Variants in NDRG3 observed in about 807,000 individuals in gnomAD.
NDRG3 encodes protein NDRG3.
Under a neutral mutation model 57.2 loss-of-function variants are expected in NDRG3, and 23 were observed. The ratio of observed to expected loss-of-function variants is 0.40; its 90% CI spans 0.29 to 0.57. NDRG3 has a LOEUF of 0.57. Among genes scored for constraint, NDRG3 ranks in the 20% least tolerant of loss-of-function variants. NDRG3 has a pLI of 0.42. For missense variants in NDRG3, 384 were observed against 457.3 expected, an observed-to-expected ratio of 0.84 and a Z score of 1.46; for synonymous variants, 132 against 162.6, an observed-to-expected ratio of 0.81 and a Z score of 1.43.
intron 9 of NDRG3, 103 bp from the exon 10 acceptor site, chr20:36,666,495 A>G: frequency 1.2e-6 from 1 of 802,204 alleles, no homozygotes; most frequent in Non-Finnish European, 2.2e-6. Flanking sequence ...CGTGCGGCTC[A>G]TGATGGGAAC....
In NDRG3 at chr20:36,708,776, G is replaced by A. The variant is rs184994208; in HGVS notation, c.58-1769C>T. ...AAGCCGGGCGCGGTGGCTCACGCCT[G>A]TAATCCCAGCACGGCACTTTGGGAG... On this transcript the variant is annotated intron_variant, in intron 2 of 15. Coordinates refer to ENST00000349004, the MANE Select transcript of NDRG3 (RefSeq NM_032013.4). Among the ~76,000 whole-genome samples the A allele has an allele frequency of 2.6e-3, 391 of 152,244 alleles. 2 individuals are homozygous for A. The highest frequency in any genetic ancestry group is 8.9e-3 in the African/African-American group (369 of 41,544).
rs1444652182 is a variant in NDRG3 at position 36,653,846 on chromosome 20, A to G, written c.947-145T>C. On this transcript the variant is annotated intron_variant, in intron 15 of 15. Transcript: ENST00000349004. The surrounding 1 kb of genome is among the most constrained non-coding windows in gnomAD (Gnocchi z 4.2). The stretch of plus-strand genomic sequence containing the variant: ...CAAGATATAGCCATCCCCATTTTGT[A>G]TCATTTGCTCTAGGTGAGTGGCGAT... 2.0e-5 allele frequency: 14 copies of G among 710,980 alleles called. No individual in the cohort carries two copies. The highest frequency in any genetic ancestry group is 3.0e-5 in the Non-Finnish European group (13 of 435,680). 44.0% of individuals were successfully genotyped at this position (710,980 alleles called of 1,614,324 possible).
In NDRG3 at chr20:36,708,092, GA is replaced by G. The variant is rs890917054; in HGVS notation, c.58-1086del. The stretch of plus-strand genomic sequence containing the variant: ...GAGTGAGACTCCATTTCAAAAAAAG[GA>G]AAAAAAAAAAGGTAACAAGTGATGT... On this transcript the variant is annotated intron_variant, in intron 2 of 15. Transcript: ENST00000349004. Among the ~76,000 whole-genome samples, 190 of 140,710 alleles carry G rather than the reference GA, an allele frequency of 1.4e-3. 2 individuals carry two copies. In the East Asian group the frequency reaches 0.03, roughly 22 times the overall value. The allele number at this position is 140,710 out of a possible 152,430, so 92.3% of individuals were successfully genotyped here.
At chr20:36,697,968 T>C (rs984735541) in intron 3 of NDRG3, among the ~76,000 whole-genome samples, 37 of 145,106 alleles carry the variant, frequency 2.5e-4, no homozygotes, top group East Asian at 7.9e-4. Flanking sequence ...TTTTTCTTTT[T>C]TTTTTTTTTT....
intron 3 of NDRG3, among the ~76,000 whole-genome samples, chr20:36,703,486 G>T (rs1436549840): frequency 2.6e-5 from 4 of 151,792 alleles, no homozygotes; most frequent in African/African-American, 7.3e-5. Flanking sequence ...GTAATATATA[G>T]AGAGAAAGAC....
At chr20:36,706,885 A>C in intron 3 of NDRG3, 87 bp downstream of exon 3, 1 of 1,113,096 alleles carries the variant, frequency 9.0e-7, no homozygotes, top group South Asian at 1.4e-5. Flanking sequence ...ATAATGAGAG[A>C]TCCACTTCTA....
chr20:36,670,322 G>T (rs1464861861), intron 9 of NDRG3, among the ~76,000 whole-genome samples: 1 of 152,208 alleles, frequency 6.6e-6, no homozygotes, highest in Non-Finnish European at 1.5e-5. Flanking sequence ...AAAGGAGTCA[G>T]CTGGAAGAAT....
At chr20:36,658,696 G>GA (rs1978893505) in intron 13 of NDRG3, among the ~76,000 whole-genome samples, 1 of 152,180 alleles carries the variant, frequency 6.6e-6, no homozygotes, top group South Asian at 2.1e-4. Flanking sequence ...CACTTTAGTA[G>GA]AGGCTCTAGG....
intron 5 of NDRG3, among the ~76,000 whole-genome samples, chr20:36,684,762 T>C (rs1182266156): frequency 6.6e-6 from 1 of 151,956 alleles, no homozygotes; most frequent in African/African-American, 2.4e-5. Context: ...GGCAGGAGAA[T>C]TGCTTGAACC....
At chr20:36,706,208 AT>A (rs1015104885) in intron 3 of NDRG3, among the ~76,000 whole-genome samples, 1 of 152,324 alleles carries the variant, frequency 6.6e-6, no homozygotes, top group African/African-American at 2.4e-5. Context: ...TGAATTTTGC[AT>A]TTCCAAACAT....
intron 6 of NDRG3, 80 bp from the exon 7 acceptor site, chr20:36,682,658 G>T: frequency 8.2e-7 from 1 of 1,215,778 alleles, no homozygotes; most frequent in South Asian, 1.3e-5. Context: ...CATACAACCT[G>T]GGTTGAAATC....
intron 2 of NDRG3, among the ~76,000 whole-genome samples, chr20:36,710,491 T>A (rs969804183): frequency 1.3e-5 from 2 of 152,096 alleles, no homozygotes; most frequent in Admixed American, 6.5e-5. Flanking sequence ...CCTAAAAAAA[T>A]ACCCAATTTA....
chr20:36,688,772 C>G lies in NDRG3; in HGVS notation c.106G>C (p.Glu36Gln). The change falls in exon 4 of 16, where the codon GAA (glutamate) becomes CAA (glutamine). Residue 36 changes from glutamate to glutamine, a missense_variant. Physicochemically the swap from Glu to Gln is conservative, Grantham distance 29. Coordinates refer to ENST00000349004, the MANE Select transcript of NDRG3 (RefSeq NM_032013.4). ...QDFDCQEHDI[E>Q]TTHGVVHVTI... ...ACGTGGACCACACCATGAGTTGTTT[C>G]TATATCATGTTCCTGTAACAAGAGA... 1 of 1,612,636 alleles carries G rather than the reference C, an allele frequency of 6.2e-7. No individual in the cohort carries two copies. The highest frequency in any genetic ancestry group is 8.5e-7 in the Non-Finnish European group (1 of 1,178,668).
At chr20:36,738,531 TA>T (rs1985728594) in intron 1 of NDRG3, among the ~76,000 whole-genome samples, 1 of 150,752 alleles carries the variant, frequency 6.6e-6, no homozygotes, top group East Asian at 1.9e-4. Context: ...CTTCAAAAGT[TA>T]AAAAATGGGG....
At chr20:36,698,967 G>A (rs1271686783) in intron 3 of NDRG3, among the ~76,000 whole-genome samples, 1 of 151,980 alleles carries the variant, frequency 6.6e-6, no homozygotes, top group African/African-American at 2.4e-5. Context: ...TTAGAGACAG[G>A]ATCTCATTCT....
chr20:36,674,624 G>C (rs1340209418), intron 8 of NDRG3, among the ~76,000 whole-genome samples: 1 of 142,196 alleles, frequency 7.0e-6, no homozygotes, highest in African/African-American at 2.7e-5. Context: ...TTAAGACAAG[G>C]TCTCTCTCTG....
chr20:36,734,982 T>A (rs903432205), intron 1 of NDRG3, among the ~76,000 whole-genome samples: 2 of 151,716 alleles, frequency 1.3e-5, no homozygotes, highest in Non-Finnish European at 2.9e-5. Context: ...TAAATGAGAA[T>A]AAGAATAAAA....
intron 3 of NDRG3, among the ~76,000 whole-genome samples, chr20:36,689,677 G>A (rs1200778305): frequency 3.3e-5 from 5 of 151,250 alleles, no homozygotes; most frequent in African/African-American, 7.3e-5. Flanking sequence ...GGAGGCATCT[G>A]GCCCAGGCTG....
In NDRG3 at chr20:36,697,637, G is replaced by A. The variant is rs1982906104; in HGVS notation, c.94-8853C>T. Reference sequence around the variant, plus strand: ...GCAGAAGAATCGCTTGCACCCGGGAGGCGGAGGTTGCAGTGGGCCAAGACC... The same window carrying A: ...GCAGAAGAATCGCTTGCACCCGGGAAGCGGAGGTTGCAGTGGGCCAAGACC... On this transcript the variant is annotated intron_variant, in intron 3 of 15. Transcript: ENST00000349004. Among the ~76,000 whole-genome samples, 7 of 152,186 alleles carry A rather than the reference G, an allele frequency of 4.6e-5. No homozygotes were observed. The South Asian group carries it at 1.5e-3, about 32-fold the overall frequency.
Sources: gnomAD v4.1 joint callset for allele counts (sites outside exome capture counted in the v4.1 genomes callset) on GRCh38, gnomAD v4.1.1 for gene constraint, Gnocchi (gnomAD v3.1) non-coding constraint, MANE v1.5 for transcripts, NCBI Gene and HGNC (gene_info 2026-07-23, HGNC 2026-07-21) for gene names.